CARMIL1: variants seen among roughly 807,000 people sequenced by gnomAD.
CARMIL1 encodes the protein F-actin-uncapping protein LRRC16A.
CARMIL1 carries 90 observed loss-of-function variants against 177.1 expected under a neutral mutation model. That is an observed-to-expected ratio of 0.51 (90% CI 0.43 to 0.61). The LOEUF (loss-of-function observed/expected upper bound fraction) is 0.61, where lower values mean the gene tolerates loss of function less well. CARMIL1 is among the 20% of genes least tolerant of loss of function. The pLI is 0.00. For synonymous variants in CARMIL1, 577 were observed against 606.2 expected, an observed-to-expected ratio of 0.95 and a Z score of 0.71; for missense variants, 1,380 against 1,667.0, an observed-to-expected ratio of 0.83 and a Z score of 3.00.
Position 25,328,104 on chromosome 6 carries a change from A to G in CARMIL1, c.138+43195A>G, listed in dbSNP as rs138941481. ...ATTTCCCTCATTAGTAGATAAGGAA[A>G]TGAGCTAGTAAAGAAAACTATTTAA... is the stretch of plus-strand genomic sequence containing the variant. On this transcript the variant is annotated intron_variant, in intron 2 of 36. Coordinates refer to ENST00000329474, the MANE Select transcript of CARMIL1 (RefSeq NM_017640.6). 2.8e-3 allele frequency among the ~76,000 whole-genome samples: 434 copies of G among 152,324 alleles called. 2 individuals are homozygous for G. The highest frequency in any genetic ancestry group is 4.9e-3 in the Non-Finnish European group (333 of 68,028).
At chr6:25,442,132 G>A (rs564550249) in intron 5 of CARMIL1, among the ~76,000 whole-genome samples, 2 of 151,870 alleles carry the variant, frequency 1.3e-5, no homozygotes, top group African/African-American at 4.8e-5. Flanking sequence ...CATAGGCTGA[G>A]CATTGGAATT....
At chr6:25,616,486 A>G (rs1297592086) in intron 36 of CARMIL1, among the ~76,000 whole-genome samples, 5 of 152,134 alleles carry the variant, frequency 3.3e-5, no homozygotes, top group Non-Finnish European at 7.4e-5. Context: ...AGACAGGAGG[A>G]TCACTTGAGC....
At chr6:25,323,037 C>T (rs576344846) in intron 2 of CARMIL1, among the ~76,000 whole-genome samples, 1 of 152,268 alleles carries the variant, frequency 6.6e-6, no homozygotes, top group East Asian at 1.9e-4. Context: ...CGCACCCTTT[C>T]CTCCCTATTC....
intron 31 of CARMIL1, among the ~76,000 whole-genome samples, chr6:25,589,310 T>G (rs1456065908): frequency 1.3e-5 from 2 of 152,234 alleles, no homozygotes; most frequent in Non-Finnish European, 2.9e-5. Context: ...CTCTTCTACT[T>G]AGTAGACTTA....
At chr6:25,479,256 T>C (rs1354204880) in intron 11 of CARMIL1, 1 of 518,708 alleles carries the variant, frequency 1.9e-6, no homozygotes, top group Non-Finnish European at 3.9e-6. Context: ...GAGCTTTGCC[T>C]GTTCTTTGCC....
At position 25,515,591 on chromosome 6, in the gene CARMIL1, C is replaced by T; in HGVS notation, c.1633-84C>T. ...CAGACACGTGCAGTAGGTCCATCCC[C>T]TCTCATTCTCCACGAAATGCGTCGT... On this transcript the variant is annotated intron_variant, in intron 20 of 36. Coordinates refer to ENST00000329474, the MANE Select transcript of CARMIL1 (RefSeq NM_017640.6). This position sits in a 1 kb window ranked among gnomAD's most constrained non-coding sequence, Gnocchi z 5.0. The T allele has an allele frequency of 7.6e-7, 1 of 1,313,866 alleles. No individual in the cohort carries two copies. Among genetic ancestry groups the T allele is most frequent in the Non-Finnish European group, 1.0e-6 (1 of 958,234 alleles). 81.4% of individuals were successfully genotyped at this position (1,313,866 alleles called of 1,614,324 possible).
rs747214238 is a variant in CARMIL1 at position 25,600,379 on chromosome 6, G to A, written c.3185G>A (p.Arg1062Gln). 20 of 1,613,960 alleles carry A rather than the reference G, an allele frequency of 1.2e-5. No individual in the cohort carries two copies. The highest frequency in any genetic ancestry group is 3.3e-5 in the Admixed American group (2 of 60,006). Residue 1062 changes from arginine to glutamine, a missense_variant, in exon 33 of 37, where the codon CGA becomes CAA. By Grantham distance (43) the Arg-to-Gln change is conservative. Transcript: ENST00000329474. ...LNEGGDEKKK[R>Q]DSRKSSGFLN... Reference sequence around the variant, plus strand: ...GAAGGAGGAGATGAAAAGAAAAAGCGAGATTCTCGGAAAAGTAGTGGCTTT... The same window carrying A: ...GAAGGAGGAGATGAAAAGAAAAAGCAAGATTCTCGGAAAAGTAGTGGCTTT...
At chr6:25,451,799 A>C (rs1798951259) in intron 8 of CARMIL1, among the ~76,000 whole-genome samples, 1 of 152,084 alleles carries the variant, frequency 6.6e-6, no homozygotes, top group African/African-American at 2.4e-5. Flanking sequence ...AGCCCTACTT[A>C]ATAAATTAGT....
chr6:25,289,042 G>T (rs1781741263), intron 2 of CARMIL1, among the ~76,000 whole-genome samples: 1 of 152,176 alleles, frequency 6.6e-6, no homozygotes, highest in African/African-American at 2.4e-5. Flanking sequence ...ATGACCATGG[G>T]CTAAGAAGGA....
intron 33 of CARMIL1, among the ~76,000 whole-genome samples, chr6:25,603,154 G>T (rs975898751): frequency 4.6e-5 from 7 of 152,204 alleles, no homozygotes; most frequent in Non-Finnish European, 7.3e-5. Context: ...TCACTTTCAG[G>T]TGCCTGCCAT....
intron 12 of CARMIL1, among the ~76,000 whole-genome samples, chr6:25,487,403 G>A (rs139135047): frequency 2.1e-4 from 32 of 152,294 alleles, no homozygotes; most frequent in African/African-American, 7.0e-4. Flanking sequence ...GTTCTTTAGA[G>A]TAGTTGACTT....
intron 29 of CARMIL1, among the ~76,000 whole-genome samples, chr6:25,574,442 T>C (rs1012333109): frequency 6.6e-6 from 1 of 152,214 alleles, no homozygotes; most frequent in Non-Finnish European, 1.5e-5. Flanking sequence ...CACGCCTTTC[T>C]CCAAGAATGC....
chr6:25,455,994 C>T (rs1799490616), intron 8 of CARMIL1, among the ~76,000 whole-genome samples: 1 of 152,170 alleles, frequency 6.6e-6, no homozygotes, highest in Non-Finnish European at 1.5e-5. Flanking sequence ...TCACCAAGAG[C>T]CCCTACTACT....
chr6:25,290,182 A>G (rs990737341), intron 2 of CARMIL1, among the ~76,000 whole-genome samples: 1 of 151,948 alleles, frequency 6.6e-6, no homozygotes, highest in East Asian at 1.9e-4. Flanking sequence ...TGCAGCCTCA[A>G]TCTCCCAGGC....
At chr6:25,608,685 C>T (rs747576417) in intron 35 of CARMIL1, among the ~76,000 whole-genome samples, 5 of 152,188 alleles carry the variant, frequency 3.3e-5, no homozygotes, top group South Asian at 2.1e-4. Context: ...ATTTCCTCTC[C>T]GCCACAGCTC....
rs746708096 is a variant in CARMIL1, at chr6:25,284,794, A to G, written c.41-18A>G. 47 of 1,373,072 alleles carry G rather than the reference A, an allele frequency of 3.4e-5. No homozygotes were observed. In the Middle Eastern group the frequency reaches 1.4e-3, roughly 42 times the overall value. 85.1% of individuals were successfully genotyped at this position (1,373,072 alleles called of 1,614,324 possible). A position where few individuals can be genotyped will look rare whatever the true frequency, so the allele number is the denominator to read the frequency against. On this transcript the variant is annotated intron_variant, in intron 1 of 36. Transcript: ENST00000329474. ...TGCTTTTTTTCTTATTAATAACATA[A>G]TTCCTTTTTTTTTTCAGAAAGCATA...
intron 2 of CARMIL1, among the ~76,000 whole-genome samples, chr6:25,332,891 G>A (rs1785829570): frequency 6.6e-6 from 1 of 152,094 alleles, no homozygotes; most frequent in Non-Finnish European, 1.5e-5. Context: ...GTGCCTGCTG[G>A]CCTTTGTGCT....
chr6:25,401,888 G>C (rs1396211640), intron 2 of CARMIL1, among the ~76,000 whole-genome samples: 1 of 152,140 alleles, frequency 6.6e-6, no homozygotes, highest in Non-Finnish European at 1.5e-5. Flanking sequence ...CTGAGACAGA[G>C]GGCCGGAAGG....
intron 2 of CARMIL1, among the ~76,000 whole-genome samples, chr6:25,292,993 T>C (rs968641151): frequency 2.0e-5 from 3 of 152,174 alleles, no homozygotes; most frequent in African/African-American, 7.2e-5. Flanking sequence ...TTTCATTTCA[T>C]TGGAAACGCT....
Sources: gnomAD v4.1 joint callset for allele counts (sites outside exome capture counted in the v4.1 genomes callset) on GRCh38, gnomAD v4.1.1 for gene constraint, Gnocchi (gnomAD v3.1) non-coding constraint, MANE v1.5 for transcripts, NCBI Gene and HGNC (gene_info 2026-07-23, HGNC 2026-07-21) for gene names.